The following LHFPL4 variants were observed in gnomAD, a reference collection of about 807,000 sequenced individuals.
LHFPL4 encodes LHFPL tetraspan subfamily member 4 protein.
In LHFPL4, 6 loss-of-function variants were observed where a neutral mutation model predicts 20.0. The observed-to-expected ratio is 0.30, with a 90% confidence interval of 0.16 to 0.59. The LOEUF is 0.59. Among genes scored for constraint, LHFPL4 ranks in the 20% least tolerant of loss-of-function variants. The pLI is 0.88. For synonymous variants in LHFPL4, 129 were observed against 143.8 expected (o/e 0.90, Z 0.74); for missense variants, 215 against 331.2 (o/e 0.65, Z 2.72).
chr3:9,523,055 A>AAAG (rs1553647460), intron 2 of LHFPL4, among the ~76,000 whole-genome samples: 4 of 122,804 alleles, frequency 3.3e-5, no homozygotes, highest in African/African-American at 9.6e-5. Context: ...AAAAAAAAAA[A>AAAG]AAAGAAAGAA....
intron 2 of LHFPL4, among the ~76,000 whole-genome samples, chr3:9,524,036 A>G (rs2046358478): frequency 7.5e-6 from 1 of 132,484 alleles, no homozygotes; most frequent in African/African-American, 2.8e-5. Flanking sequence ...TTGCTTGCAC[A>G]GTTTTTGAGT....
At chr3:9,534,616 G>T (rs530328960) in intron 2 of LHFPL4, among the ~76,000 whole-genome samples, 2 of 152,290 alleles carry the variant, frequency 1.3e-5, no homozygotes, top group East Asian at 3.9e-4. Context: ...CTGATAACCT[G>T]TTGCACCTTT....
In LHFPL4 at chr3:9,505,947, C is replaced by G; in HGVS notation, c.643+20G>C. On this transcript the variant is annotated intron_variant, in intron 3 of 3. Coordinates refer to ENST00000287585, the MANE Select transcript of LHFPL4 (RefSeq NM_198560.3). ...CAGGCCTGGCTCCCGCCGCTGCCCC[C>G]CAGCCCACAGCACACTCGCCTTTGT... The G allele has an allele frequency of 6.2e-7, 1 of 1,610,484 alleles. No individual in the cohort carries two copies. Among genetic ancestry groups the G allele is most frequent in the Non-Finnish European group, 8.5e-7 (1 of 1,176,920 alleles).
chr3:9,552,325 A>G lies in LHFPL4; in HGVS notation c.355T>C (p.Cys119Arg). 6.2e-7 allele frequency: 1 copy of G among 1,613,724 alleles called. No homozygotes were observed. Among genetic ancestry groups the G allele is most frequent in the Non-Finnish European group, 8.5e-7 (1 of 1,179,860 alleles). ...ATCTTGTAGACCGTAGCCGTGTTGC[A>G]GAAGAAGAAAAGCGAAAAGCAGGTG... ...CITCFSLFFF[C>R]NTATVYKICA... is the part of the protein sequence containing the mutation. The change falls in exon 2 of 4, where the codon TGC (cysteine) becomes CGC (arginine). Residue 119 changes from cysteine to arginine, a missense_variant. Transcript: ENST00000287585.
In LHFPL4 at chr3:9,498,572, A is replaced by C. The variant is rs1053314774; in HGVS notation, c.*3639T>G. The C allele has an allele frequency of 6.5e-6, 1 of 152,726 alleles. No individual in the cohort carries two copies. The highest frequency in any genetic ancestry group is 1.5e-5 in the Non-Finnish European group (1 of 68,096). The allele number at this position is 152,726 out of a possible 1,614,324, so 9.5% of individuals were successfully genotyped here. ...AGCACAGGCCCTCGGAGGCCTGCCC[A>C]TCAGAGCTCTGCGGAAGGCTCCCTT... On this transcript the variant is annotated 3_prime_UTR_variant, in exon 4 of 4. Transcript: ENST00000287585.
intron 2 of LHFPL4, among the ~76,000 whole-genome samples, chr3:9,510,988 A>T (rs2046255749): frequency 6.6e-6 from 1 of 151,698 alleles, no homozygotes; most frequent in African/African-American, 2.4e-5. Flanking sequence ...ATAAGCAGTG[A>T]TGAGTGCTTA....
intron 2 of LHFPL4, among the ~76,000 whole-genome samples, chr3:9,522,536 T>A (rs1440648012): frequency 6.9e-6 from 1 of 144,720 alleles, no homozygotes; most frequent in African/African-American, 2.6e-5. Context: ...GGTCAGGAGT[T>A]CGAGACCAGG....
chr3:9,525,767 G>GA (rs1271048202), intron 2 of LHFPL4, among the ~76,000 whole-genome samples: 1 of 152,016 alleles, frequency 6.6e-6, no homozygotes, highest in African/African-American at 2.4e-5. Flanking sequence ...TTATACGTTT[G>GA]AAAAAATGGG....
chr3:9,535,947 A>G (rs2046441674), intron 2 of LHFPL4, among the ~76,000 whole-genome samples: 1 of 152,114 alleles, frequency 6.6e-6, no homozygotes, highest in African/African-American at 2.4e-5. Flanking sequence ...GACTACAGCC[A>G]CGCACCACCA....
At chr3:9,507,575 G>A (rs1402396352) in intron 2 of LHFPL4, among the ~76,000 whole-genome samples, 3 of 152,180 alleles carry the variant, frequency 2.0e-5, no homozygotes, top group African/African-American at 2.4e-5. Context: ...AAAGTAATTC[G>A]GAGAGTTGGT....
chr3:9,522,750 AAAAG>A (rs2046346540), intron 2 of LHFPL4, among the ~76,000 whole-genome samples: 1 of 151,414 alleles, frequency 6.6e-6, no homozygotes, highest in African/African-American at 2.4e-5. Flanking sequence ...TCTCAAAAAA[AAAAG>A]AAAAAGGCCA....
chr3:9,521,405 T>C (rs2046336764), intron 2 of LHFPL4, among the ~76,000 whole-genome samples: 4 of 144,386 alleles, frequency 2.8e-5, no homozygotes, highest in African/African-American at 1.0e-4. Context: ...TTTTTCTACT[T>C]TTTTTTTTTT....
At chr3:9,531,041 G>C (rs972397882) in intron 2 of LHFPL4, among the ~76,000 whole-genome samples, 1 of 152,192 alleles carries the variant, frequency 6.6e-6, no homozygotes, top group Non-Finnish European at 1.5e-5. Flanking sequence ...AGGAGGGAGA[G>C]AGACAGGGGA....
Position 9,552,205 on chromosome 3 carries a change from G to A in LHFPL4, c.406+69C>T, listed in dbSNP as rs920263457. On this transcript the variant is annotated intron_variant, in intron 2 of 3. Transcript: ENST00000287585. ...AGAATCTATCCGACTCCTTCAGGAA[G>A]GGGACCTGGCAGGAAGGAGCCCCGT... 1.1e-5 allele frequency: 17 copies of A among 1,521,488 alleles called. No individual in the cohort carries two copies. In the African/African-American group the frequency reaches 1.8e-4, roughly 16 times the overall value. The allele number at this position is 1,521,488 out of a possible 1,614,324, so 94.2% of individuals were successfully genotyped here. A position where few individuals can be genotyped will look rare whatever the true frequency, so the allele number is the denominator to read the frequency against.
In LHFPL4 at chr3:9,522,177, G is replaced by C. The variant is rs2046341996; in HGVS notation, c.407-15974C>G. On this transcript the variant is annotated intron_variant, in intron 2 of 3. Transcript: ENST00000287585. ...TTATTATTATTGTTATTATTTTTTA[G>C]TAGAGAAAGGTTTTCACCATGTTGG... 2.6e-5 allele frequency among the ~76,000 whole-genome samples: 4 copies of C among 151,240 alleles called. No homozygotes were observed. In the South Asian group the frequency reaches 8.4e-4, roughly 32 times the overall value.
chr3:9,547,671 G>C (rs145347554), intron 2 of LHFPL4, among the ~76,000 whole-genome samples: 4 of 152,222 alleles, frequency 2.6e-5, no homozygotes, highest in African/African-American at 9.6e-5. Context: ...GGTAAAAAAC[G>C]TAGCAGAGAT....
intron 2 of LHFPL4, among the ~76,000 whole-genome samples, chr3:9,521,707 C>CA (rs571469329): frequency 6.7e-6 from 1 of 149,390 alleles, no homozygotes; most frequent in Non-Finnish European, 1.5e-5. Flanking sequence ...CCAGCCTCCA[C>CA]TTTTTTTTTT....
intron 2 of LHFPL4, among the ~76,000 whole-genome samples, chr3:9,511,667 C>G (rs1305247773): frequency 1.3e-5 from 2 of 152,182 alleles, no homozygotes; most frequent in Non-Finnish European, 2.9e-5. Context: ...TAGAATCTAG[C>G]TAGATACTTT....
At chr3:9,546,484 G>A (rs1343407675) in intron 2 of LHFPL4, among the ~76,000 whole-genome samples, 1 of 152,156 alleles carries the variant, frequency 6.6e-6, no homozygotes, top group South Asian at 2.1e-4. Flanking sequence ...GTACCAGGGT[G>A]GTGCCTGGCA....
Sources: allele counts gnomAD v4.1 joint callset (sites outside exome capture counted in the v4.1 genomes callset), GRCh38; gene constraint gnomAD v4.1.1; transcripts MANE v1.5; gene names NCBI Gene and HGNC (gene_info 2026-07-23, HGNC 2026-07-21).